The following VPS8 variants were observed in gnomAD, a reference collection of about 807,000 sequenced individuals.
VPS8 encodes vacuolar protein sorting-associated protein 8 homolog.
In VPS8, 129 loss-of-function variants were observed where a neutral mutation model predicts 216.4. The ratio of observed to expected loss-of-function variants is 0.60; its 90% CI spans 0.52 to 0.69. The LOEUF (loss-of-function observed/expected upper bound fraction) is 0.69. VPS8 is among the 30% of genes least tolerant of loss of function. VPS8 has a pLI of 0.00. For missense variants in VPS8, 1,531 were observed against 1,683.5 expected, an observed-to-expected ratio of 0.91 and a Z score of 1.59; for synonymous variants, 571 against 565.4, an observed-to-expected ratio of 1.01 and a Z score of -0.14.
chr3:184,984,295 C>CT (rs67712263), intron 42 of VPS8, among the ~76,000 whole-genome samples: 85 of 109,248 alleles, frequency 7.8e-4, no homozygotes, highest in African/African-American at 2.2e-3. Context: ...ATTTAGAATA[C>CT]TTTTTTTTTT....
At position 184,818,807 on chromosome 3, in the gene VPS8, G is replaced by T. The variant is rs145499945; in HGVS notation, c.-88-5738G>T. Among the ~76,000 whole-genome samples, 21 of 152,220 alleles carry T rather than the reference G, an allele frequency of 1.4e-4. No individual in the cohort carries two copies. In the East Asian group the frequency reaches 3.9e-3, roughly 28 times the overall value. The stretch of plus-strand genomic sequence containing the variant: ...TCATATGACACTTTTAGGAGGAAAA[G>T]AATGTCAGGATTAAACAGGATCATG... On this transcript the variant is annotated intron_variant, in intron 1 of 47. Transcript: ENST00000625842.
chr3:184,921,319 C>A (rs1213389723), intron 29 of VPS8, among the ~76,000 whole-genome samples: 1 of 152,224 alleles, frequency 6.6e-6, no homozygotes, highest in Non-Finnish European at 1.5e-5. Flanking sequence ...TAGTATTACA[C>A]TTAGTACGTG....
intron 8 of VPS8, among the ~76,000 whole-genome samples, chr3:184,845,355 C>G (rs1378546780): frequency 6.6e-6 from 1 of 152,162 alleles, no homozygotes; most frequent in East Asian, 1.9e-4. Context: ...GCAGGAGAAA[C>G]CTCTTCAATA....
At chr3:184,928,802 A>G (rs1245269537) in intron 32 of VPS8, among the ~76,000 whole-genome samples, 2 of 152,000 alleles carry the variant, frequency 1.3e-5, no homozygotes, top group African/African-American at 4.8e-5. Flanking sequence ...ATTATTTTAG[A>G]TTTTTTCTTT....
intron 45 of VPS8, among the ~76,000 whole-genome samples, chr3:185,011,521 C>T (rs1755012645): frequency 6.6e-6 from 1 of 152,172 alleles, no homozygotes; most frequent in Non-Finnish European, 1.5e-5. Context: ...TGCAGTTTTC[C>T]AAATTGTGTA....
At chr3:184,865,143 TA>T (rs1206038326) in intron 16 of VPS8, among the ~76,000 whole-genome samples, 2 of 152,008 alleles carry the variant, frequency 1.3e-5, no homozygotes, top group African/African-American at 4.8e-5. Context: ...CGCAGGAAAA[TA>T]ATTTTAAGAA....
chr3:184,921,494 G>A (rs1290912329), intron 29 of VPS8, among the ~76,000 whole-genome samples: 2 of 152,132 alleles, frequency 1.3e-5, no homozygotes, highest in South Asian at 4.1e-4. Context: ...AGGCCCCTTG[G>A]TTGGTGGGGG....
rs748187655 is a variant in VPS8, at chr3:185,052,196, C to A, written c.*171C>A. 1 of 604,094 alleles carries A rather than the reference C, an allele frequency of 1.7e-6. No homozygotes were observed. Among genetic ancestry groups the A allele is most frequent in the Non-Finnish European group, 2.7e-6 (1 of 367,128 alleles). 37.4% of individuals were successfully genotyped at this position (604,094 alleles called of 1,614,324 possible). A position where few individuals can be genotyped will look rare whatever the true frequency, so the allele number is the denominator to read the frequency against. On this transcript the variant is annotated 3_prime_UTR_variant, in exon 48 of 48. Transcript: ENST00000625842. The stretch of plus-strand genomic sequence containing the variant: ...ACAGCACCATTCCCAGTGTAGACTC[C>A]CAGTCTTCTCCACATTGCTGTCATG...
chr3:184,834,910 A>G, intron 5 of VPS8, 168 bp downstream of exon 5: 1 of 506,566 alleles, frequency 2.0e-6, no homozygotes, highest in Non-Finnish European at 3.4e-6. Flanking sequence ...AGACATGGCT[A>G]CACGTCTTGA....
intron 45 of VPS8, among the ~76,000 whole-genome samples, chr3:185,000,895 G>A (rs928370513): frequency 2.6e-5 from 4 of 152,126 alleles, no homozygotes; most frequent in East Asian, 1.9e-4. Context: ...GTGAGCCACC[G>A]CACCCGGCCT....
chr3:184,912,882 C>T (rs191642414), intron 25 of VPS8, among the ~76,000 whole-genome samples: 19 of 152,322 alleles, frequency 1.2e-4, no homozygotes, highest in Admixed American at 1.0e-3. Flanking sequence ...GCGCTGTGGG[C>T]GTTCCCAGTC....
At chr3:184,934,455 G>A (rs112658367) in intron 34 of VPS8, among the ~76,000 whole-genome samples, 2,078 of 152,226 alleles carry the variant, frequency 0.014, 56 homozygotes, top group African/African-American at 0.046. Context: ...ACAAGCATGA[G>A]CCACCACGCC....
intron 24 of VPS8, among the ~76,000 whole-genome samples, chr3:184,900,565 A>C (rs1009588604): frequency 6.6e-6 from 1 of 152,176 alleles, no homozygotes; most frequent in Admixed American, 6.5e-5. Context: ...TTTCAGTTTA[A>C]AATCATCTCT....
At chr3:184,896,192 C>G (rs1733437114) in intron 23 of VPS8, among the ~76,000 whole-genome samples, 1 of 151,894 alleles carries the variant, frequency 6.6e-6, no homozygotes, top group Non-Finnish European at 1.5e-5. Context: ...TATTATATGG[C>G]TAATTTGGCA....
intron 31 of VPS8, 139 bp downstream of exon 31, chr3:184,926,789 A>C: frequency 1.3e-6 from 1 of 795,918 alleles, no homozygotes; most frequent in Non-Finnish European, 2.0e-6. Context: ...AGTCAGTGGG[A>C]ACCAGAAAAT....
Position 184,964,533 on chromosome 3 carries a change from T to A in VPS8, c.3249T>A (p.His1083Gln), listed in dbSNP as rs1287403147. 1 of 1,520,434 alleles carries A rather than the reference T, an allele frequency of 6.6e-7. No individual in the cohort carries two copies. Among genetic ancestry groups the A allele is most frequent in the South Asian group, 1.3e-5 (1 of 78,312 alleles). The allele number at this position is 1,520,434 out of a possible 1,614,324, so 94.2% of individuals were successfully genotyped here. ...TATTGGAAAAGAAAGGAGATATTCA[T>A]GGTGCCTTCCTAATAATGTTAGAGG... ...AYLLEKKGDIHGAFLIMLERL... is the reference protein window; with the variant it reads ...AYLLEKKGDIQGAFLIMLERL... The change falls in exon 38 of 48, where the codon CAT (histidine) becomes CAA (glutamine). Residue 1083 changes from histidine to glutamine, a missense_variant. Transcript: ENST00000625842.
At chr3:184,981,179 C>T (rs1179638764) in intron 40 of VPS8, among the ~76,000 whole-genome samples, 1 of 152,144 alleles carries the variant, frequency 6.6e-6, no homozygotes, top group East Asian at 1.9e-4. Context: ...GTACTTGCTG[C>T]ATTGGAGGAG....
intron 40 of VPS8, among the ~76,000 whole-genome samples, chr3:184,980,716 G>A (rs947370673): frequency 2.0e-5 from 3 of 152,084 alleles, no homozygotes; most frequent in Admixed American, 6.6e-5. Context: ...TTCAGCTCTT[G>A]TATCATTTTA....
chr3:184,937,400 G>A (rs1327026826), intron 35 of VPS8, among the ~76,000 whole-genome samples: 2 of 152,174 alleles, frequency 1.3e-5, no homozygotes, highest in Admixed American at 1.3e-4. Context: ...GCTGGCATGA[G>A]AGACAAAAAT....
Sources: gnomAD v4.1 joint callset for allele counts (sites outside exome capture counted in the v4.1 genomes callset) on GRCh38, gnomAD v4.1.1 for gene constraint, MANE v1.5 for transcripts, NCBI Gene and HGNC (gene_info 2026-07-23, HGNC 2026-07-21) for gene names.